The following KCNH7 variants were observed in gnomAD, a reference collection of about 807,000 sequenced individuals.
KCNH7 encodes voltage-gated inwardly rectifying potassium channel KCNH7.
In KCNH7, 49 loss-of-function variants were observed where a neutral mutation model predicts 120.8. The observed-to-expected ratio is 0.41, with a 90% CI of 0.32 to 0.51. The LOEUF (loss-of-function observed/expected upper bound fraction) is 0.51, where lower values mean the gene tolerates loss of function less well. Ranked by LOEUF, KCNH7 falls within the 20% of genes least tolerant of loss-of-function variation. KCNH7 has a pLI of 0.38. For missense variants in KCNH7, 1,097 were observed against 1,446.6 expected (o/e 0.76, Z 3.92); for synonymous variants, 547 against 516.1 (o/e 1.06, Z -0.81).
At chr2:162,646,847 A>AG (rs1175146946) in intron 2 of KCNH7, among the ~76,000 whole-genome samples, 2 of 152,220 alleles carry the variant, frequency 1.3e-5, no homozygotes, top group Non-Finnish European at 2.9e-5. Context: ...TCCAGGAAAG[A>AG]GCCCAGGCTG....
chr2:162,697,957 C>G (rs1686350956), intron 2 of KCNH7, among the ~76,000 whole-genome samples: 1 of 152,040 alleles, frequency 6.6e-6, no homozygotes, highest in Non-Finnish European at 1.5e-5. Flanking sequence ...AATTGGACTT[C>G]CAATAGTTTG....
intron 2 of KCNH7, among the ~76,000 whole-genome samples, chr2:162,790,628 T>C (rs1440851440): frequency 1.3e-5 from 2 of 151,984 alleles, no homozygotes. Context: ...AAGAGGATCA[T>C]TCATCATAGG....
intron 2 of KCNH7, among the ~76,000 whole-genome samples, chr2:162,631,570 T>A (rs1683768596): frequency 6.6e-6 from 1 of 151,860 alleles, no homozygotes; most frequent in Admixed American, 6.6e-5. Context: ...TACAGAAAAA[T>A]CTGTGAAGAA....
At chr2:162,570,247 G>C (rs995612635) in intron 2 of KCNH7, among the ~76,000 whole-genome samples, 19 of 150,256 alleles carry the variant, frequency 1.3e-4, no homozygotes, top group Non-Finnish European at 1.9e-4. Flanking sequence ...AGGATAGTTA[G>C]CTCTTCTTGT....
At chr2:162,520,212 A>G (rs963711833) in intron 3 of KCNH7, among the ~76,000 whole-genome samples, 1 of 139,102 alleles carries the variant, frequency 7.2e-6, no homozygotes, top group Non-Finnish European at 1.5e-5. Flanking sequence ...CCAGTCATAT[A>G]AGCCTGAGAC....
intron 3 of KCNH7, among the ~76,000 whole-genome samples, chr2:162,522,553 T>C (rs1236941459): frequency 6.6e-6 from 1 of 151,932 alleles, no homozygotes; most frequent in East Asian, 1.9e-4. Flanking sequence ...AAAACATAGA[T>C]GAGTGTAATC....
chr2:162,662,270 GGAAAA>G lies in KCNH7; in HGVS notation c.308-125195_308-125191del, dbSNP rs201724226. Among the ~76,000 whole-genome samples the G allele has an allele frequency of 5.7e-3, 871 of 151,770 alleles. 9 individuals carry two copies. Among genetic ancestry groups the G allele is most frequent in the African/African-American group, 0.02 (809 of 41,400 alleles). On this transcript the variant is annotated intron_variant, in intron 2 of 15. Coordinates refer to ENST00000332142, the MANE Select transcript of KCNH7 (RefSeq NM_033272.4). The stretch of plus-strand genomic sequence containing the variant: ...AGGGCGAGACTCTGTCTCAAAAAAA[GGAAAA>G]GAAAAGAAAAGAAAAGAAAATTAGA...
At chr2:162,641,670 G>A (rs911197694) in intron 2 of KCNH7, among the ~76,000 whole-genome samples, 11 of 152,126 alleles carry the variant, frequency 7.2e-5, no homozygotes, top group Non-Finnish European at 1.5e-5. Context: ...GGGTTGGGAA[G>A]TGATTATACA....
At chr2:162,639,231 T>C (rs1684066249) in intron 2 of KCNH7, among the ~76,000 whole-genome samples, 1 of 152,196 alleles carries the variant, frequency 6.6e-6, no homozygotes, top group African/African-American at 2.4e-5. Flanking sequence ...TGATGATAGC[T>C]AAAATTTAAA....
chr2:162,468,614 A>G (rs1215637812), intron 6 of KCNH7, among the ~76,000 whole-genome samples: 1 of 135,676 alleles, frequency 7.4e-6, no homozygotes, highest in Non-Finnish European at 1.5e-5. Flanking sequence ...TCCGCCTCCC[A>G]GGCTCAAGCG....
chr2:162,499,854 C>T (rs1269443793), intron 6 of KCNH7, among the ~76,000 whole-genome samples: 1 of 152,006 alleles, frequency 6.6e-6, no homozygotes, highest in African/African-American at 2.4e-5. Context: ...GATTTTTATT[C>T]CTTATTTTGG....
intron 2 of KCNH7, among the ~76,000 whole-genome samples, chr2:162,656,754 A>G (rs1684777699): frequency 6.6e-6 from 1 of 152,184 alleles, no homozygotes; most frequent in Non-Finnish European, 1.5e-5. Context: ...TTTGAGGCAT[A>G]TTTGCTGTGG....
chr2:162,724,038 C>A (rs1687424236), intron 2 of KCNH7, among the ~76,000 whole-genome samples: 1 of 152,012 alleles, frequency 6.6e-6, no homozygotes, highest in Admixed American at 6.5e-5. Context: ...AGCAAAACAA[C>A]AACTTTGGAG....
chr2:162,559,663 G>C (rs1247495374), intron 2 of KCNH7, among the ~76,000 whole-genome samples: 1 of 152,096 alleles, frequency 6.6e-6, no homozygotes, highest in Non-Finnish European at 1.5e-5. Flanking sequence ...CACAACTTAA[G>C]CTGAAGATGT....
Position 162,801,260 on chromosome 2 carries a change from T to C in KCNH7, c.307+35277A>G, listed in dbSNP as rs115398325. Reference sequence around the variant, plus strand: ...GATTTAAAGTATGAAAAAGACAAGCTTTTTCAAGCATAAATATTTCCCTCT... The same window carrying C: ...GATTTAAAGTATGAAAAAGACAAGCCTTTTCAAGCATAAATATTTCCCTCT... On this transcript the variant is annotated intron_variant, in intron 2 of 15. Coordinates refer to ENST00000332142, the MANE Select transcript of KCNH7 (RefSeq NM_033272.4). 4.3e-3 allele frequency among the ~76,000 whole-genome samples: 405 copies of C among 94,276 alleles called. 2 individuals are homozygous for C. The highest frequency in any genetic ancestry group is 0.014 in the African/African-American group (386 of 27,100). 61.8% of individuals were successfully genotyped at this position (94,276 alleles called of 152,430 possible). A position where few individuals can be genotyped will look rare whatever the true frequency, so the allele number is the denominator to read the frequency against.
intron 8 of KCNH7, among the ~76,000 whole-genome samples, chr2:162,428,743 A>T (rs1687950479): frequency 1.3e-5 from 2 of 151,784 alleles, no homozygotes; most frequent in Admixed American, 1.3e-4. Flanking sequence ...CACATTTAGG[A>T]TTGCTATATT....
chr2:162,623,769 T>A (rs1463747375), intron 2 of KCNH7, among the ~76,000 whole-genome samples: 1 of 152,202 alleles, frequency 6.6e-6, no homozygotes, highest in Non-Finnish European at 1.5e-5. Context: ...CTTTGAGCAG[T>A]GAATGCGCCT....
chr2:162,472,587 C>T (rs1187409439), intron 6 of KCNH7, among the ~76,000 whole-genome samples: 1 of 152,126 alleles, frequency 6.6e-6, no homozygotes, highest in African/African-American at 2.4e-5. Context: ...AGTCAGGAAA[C>T]GACAGGTGCT....
intron 2 of KCNH7, among the ~76,000 whole-genome samples, chr2:162,746,868 AAG>A (rs1489120160): frequency 4.6e-5 from 7 of 152,184 alleles, no homozygotes; most frequent in Non-Finnish European, 8.8e-5. Flanking sequence ...GATGAAATAA[AAG>A]AGGAAAAAAA....
Sources: gnomAD v4.1 joint callset for allele counts (sites outside exome capture counted in the v4.1 genomes callset) on GRCh38, gnomAD v4.1.1 for gene constraint, MANE v1.5 for transcripts, NCBI Gene and HGNC (gene_info 2026-07-23, HGNC 2026-07-21) for gene names.